VTI1A: variants seen among roughly 807,000 people sequenced by gnomAD.
VTI1A encodes the protein vesicle transport through interaction with t-SNAREs 1A, also known as vesicle transport through interaction with t-SNAREs homolog 1A.
A neutral mutation model predicts 34.9 loss-of-function variants in VTI1A; 22 were observed. That is an observed-to-expected ratio of 0.63 (90% confidence interval 0.45 to 0.90). The LOEUF is 0.90. Ranked by LOEUF, VTI1A falls within the 40% of genes least tolerant of loss-of-function variation. VTI1A has a pLI of 0.00. For missense variants in VTI1A, 268 were observed against 275.6 expected, an observed-to-expected ratio of 0.97 and a Z score of 0.20; for synonymous variants, 87 against 97.3, an observed-to-expected ratio of 0.89 and a Z score of 0.62.
At chr10:112,460,381 C>A in intron 1 of VTI1A, 143 bp from the exon 2 acceptor site, 1 of 667,958 alleles carries the variant, frequency 1.5e-6, no homozygotes. Context: ...GGTTTCAAAC[C>A]CACCAAAGAA....
chr10:112,843,486 G>C, the VTI1A span, among the ~76,000 whole-genome samples: 1 of 152,200 alleles, frequency 6.6e-6, no homozygotes, highest in African/African-American at 2.4e-5. Flanking sequence ...GTGAGGAATC[G>C]TATGCAACAC....
intron 7 of VTI1A, among the ~76,000 whole-genome samples, chr10:112,684,335 G>GT (rs1345827376): frequency 6.0e-5 from 9 of 151,182 alleles, no homozygotes; most frequent in Non-Finnish European, 1.0e-4. Flanking sequence ...AAACATACAG[G>GT]TTTTTTCTAG....
At chr10:112,844,029 G>T in the VTI1A span, among the ~76,000 whole-genome samples, 74 of 152,204 alleles carry the variant, frequency 4.9e-4, no homozygotes, top group Non-Finnish European at 7.8e-4. Context: ...GAATGCCAAG[G>T]CATAGGGCTT....
chr10:112,593,330 T>G (rs1844469802), intron 5 of VTI1A, among the ~76,000 whole-genome samples: 1 of 152,176 alleles, frequency 6.6e-6, no homozygotes, highest in Non-Finnish European at 1.5e-5. Context: ...CTGCTTTGTG[T>G]TTTTGGTGTA....
At chr10:112,734,569 A>G (rs375945164) in intron 7 of VTI1A, among the ~76,000 whole-genome samples, 3 of 152,178 alleles carry the variant, frequency 2.0e-5, no homozygotes, top group African/African-American at 7.2e-5. Context: ...TTTCCAATTA[A>G]ATACTGAGCT....
At chr10:112,471,628 G>A (rs1477155736) in intron 3 of VTI1A, among the ~76,000 whole-genome samples, 1 of 151,796 alleles carries the variant, frequency 6.6e-6, no homozygotes, top group African/African-American at 2.4e-5. Context: ...GCCCGCCTTT[G>A]AGTTTCCATA....
Position 112,448,121 on chromosome 10 carries a change from T to C in VTI1A, c.94+654T>C, listed in dbSNP as rs76217586. On this transcript the variant is annotated intron_variant, in intron 1 of 7. Transcript: ENST00000393077. ...TTCCTTCTTAGTAAATGGGGGAAAA[T>C]TGTACTTCTCTCATGGGGTTGTTAG... is the stretch of plus-strand genomic sequence containing the variant. 4.4e-3 allele frequency among the ~76,000 whole-genome samples: 667 copies of C among 152,300 alleles called. 7 individuals are homozygous for C. Among genetic ancestry groups the C allele is most frequent in the African/African-American group, 0.015 (605 of 41,556 alleles).
At chr10:112,763,071 G>A (rs1851525272) in intron 7 of VTI1A, among the ~76,000 whole-genome samples, 2 of 152,080 alleles carry the variant, frequency 1.3e-5, no homozygotes, top group African/African-American at 4.8e-5. Context: ...ACCTATTAGT[G>A]GTACCAGTTT....
intron 5 of VTI1A, chr10:112,634,082 A>T (rs1404476161): frequency 6.6e-6 from 1 of 152,590 alleles, no homozygotes; most frequent in Non-Finnish European, 1.5e-5. Context: ...GTTTTGTTGC[A>T]TCTTTACTTT....
At chr10:112,718,278 C>G (rs1472000874) in intron 7 of VTI1A, among the ~76,000 whole-genome samples, 1 of 152,116 alleles carries the variant, frequency 6.6e-6, no homozygotes, top group Non-Finnish European at 1.5e-5. Flanking sequence ...TGATGGTACT[C>G]TCATAACAAG....
At chr10:112,625,496 C>T (rs770610864) in intron 5 of VTI1A, among the ~76,000 whole-genome samples, 7 of 151,924 alleles carry the variant, frequency 4.6e-5, no homozygotes, top group Admixed American at 1.3e-4. Context: ...AAAAATTAGC[C>T]GGGCATGGCG....
chr10:112,544,075 A>G (rs112316097), intron 5 of VTI1A, among the ~76,000 whole-genome samples: 33 of 152,296 alleles, frequency 2.2e-4, no homozygotes, highest in African/African-American at 7.5e-4. Flanking sequence ...TGTTTTGGTT[A>G]CTGTAGCCTT....
chr10:112,616,275 A>C (rs1291074781), intron 5 of VTI1A, among the ~76,000 whole-genome samples: 1 of 152,190 alleles, frequency 6.6e-6, no homozygotes, highest in African/African-American at 2.4e-5. Context: ...GCAGGAGTAC[A>C]TGCACATTTG....
chr10:112,810,176 G>T (rs571676362), intron 7 of VTI1A, among the ~76,000 whole-genome samples: 141 of 152,150 alleles, frequency 9.3e-4, no homozygotes, highest in African/African-American at 2.9e-3. Context: ...GCCAAGATGG[G>T]CAGATCACCT....
intron 5 of VTI1A, among the ~76,000 whole-genome samples, chr10:112,623,520 C>T (rs528198738): frequency 6.7e-6 from 1 of 150,106 alleles, no homozygotes; most frequent in East Asian, 2.0e-4. Flanking sequence ...CCTCAGCCTG[C>T]TGGCTGAGAA....
At chr10:112,804,716 G>GT (rs1853003820) in intron 7 of VTI1A, among the ~76,000 whole-genome samples, 1 of 152,118 alleles carries the variant, frequency 6.6e-6, no homozygotes, top group Admixed American at 6.5e-5. Flanking sequence ...AGTTCCCATA[G>GT]GGCAGGGACT....
intron 5 of VTI1A, among the ~76,000 whole-genome samples, chr10:112,657,731 A>G (rs1284316837): frequency 6.6e-6 from 1 of 152,208 alleles, no homozygotes; most frequent in Non-Finnish European, 1.5e-5. Context: ...ACCAAAGCAC[A>G]AAGCAACAGA....
At chr10:112,533,604 T>C in intron 4 of VTI1A, 1 of 990,422 alleles carries the variant, frequency 1.0e-6, no homozygotes, top group Non-Finnish European at 1.2e-6. Flanking sequence ...CCCTATAAAA[T>C]TGAGTTTTTA....
intron 7 of VTI1A, among the ~76,000 whole-genome samples, chr10:112,735,429 A>G (rs929685400): frequency 6.6e-6 from 1 of 152,258 alleles, no homozygotes. Context: ...AACAATGCAA[A>G]TAAAACTATT....
Sources: allele counts gnomAD v4.1 joint callset (sites outside exome capture counted in the v4.1 genomes callset), GRCh38; gene constraint gnomAD v4.1.1; transcripts MANE v1.5; gene names NCBI Gene and HGNC (gene_info 2026-07-23, HGNC 2026-07-21).